The following NDUFAF6 variants were observed in gnomAD, a reference collection of about 807,000 sequenced individuals.
NDUFAF6 encodes the protein NADH dehydrogenase (ubiquinone) complex I, assembly factor 6.
Under a neutral mutation model 40.8 loss-of-function variants are expected in NDUFAF6, and 45 were observed. That is an observed-to-expected ratio of 1.10 (90% CI 0.87 to 1.42). The LOEUF (loss-of-function observed/expected upper bound fraction) is 1.42, where lower values mean the gene tolerates loss of function less well. Ranked by LOEUF, NDUFAF6 falls within the 40% of genes most tolerant of loss-of-function variation. The pLI, the probability that NDUFAF6 is intolerant of heterozygous loss-of-function variation, is 0.00. For missense variants in NDUFAF6, 435 were observed against 418.5 expected (o/e 1.04, Z -0.34); for synonymous variants, 185 against 155.9 (o/e 1.19, Z -1.39).
chr8:95,102,126 T>C (rs944351597), intron 2 of NDUFAF6, among the ~76,000 whole-genome samples: 14 of 152,112 alleles, frequency 9.2e-5, no homozygotes, highest in African/African-American at 3.4e-4. Context: ...GCTTCCCAAG[T>C]AGTTGGGATT....
rs184413203 is a variant in NDUFAF6 at position 94,974,817 on chromosome 8, C to A, written c.-198-6042C>A. On this transcript the variant is annotated intron_variant, in intron 1 of 9. Transcript: ENST00000396111. ...TTGTTAAGGGGGTCTCAAAGGACGT[C>A]CCTTTCCCCGTATGCAGGAAGTACA... 1,234 of 161,126 alleles carry A rather than the reference C, an allele frequency of 7.7e-3. 26 individuals are homozygous for A. The highest frequency in any genetic ancestry group is 0.027 in the African/African-American group (1,124 of 41,876). The allele number at this position is 161,126 out of a possible 1,614,324, so 10.0% of individuals were successfully genotyped here.
intron 1 of NDUFAF6, among the ~76,000 whole-genome samples, chr8:94,942,769 G>A (rs1438799006): frequency 6.6e-6 from 1 of 152,188 alleles, no homozygotes; most frequent in East Asian, 1.9e-4. Flanking sequence ...GAGTGGCTGA[G>A]GTCAGTAATG....
chr8:94,986,419 T>C (rs1825905061), intron 2 of NDUFAF6, among the ~76,000 whole-genome samples: 1 of 152,224 alleles, frequency 6.6e-6, no homozygotes, highest in African/African-American at 2.4e-5. Context: ...TCCTGAGACA[T>C]GAAGGTCCTT....
intron 2 of NDUFAF6, among the ~76,000 whole-genome samples, chr8:95,004,841 CTG>C (rs745964049): frequency 3.9e-5 from 6 of 152,302 alleles, no homozygotes; most frequent in South Asian, 4.1e-4. Flanking sequence ...TCCATCTGTT[CTG>C]TGAGGGCAGG....
chr8:95,108,295 A>G (rs1344026352), downstream of NDUFAF6, among the ~76,000 whole-genome samples: 3 of 152,210 alleles, frequency 2.0e-5, no homozygotes, highest in African/African-American at 7.2e-5. Context: ...AATGTTTTGG[A>G]AACAACCCAA....
At chr8:95,112,516 G>A (rs1810024979) in intron 4 of NDUFAF6, among the ~76,000 whole-genome samples, 1 of 152,176 alleles carries the variant, frequency 6.6e-6, no homozygotes, top group Non-Finnish European at 1.5e-5. Context: ...GAGCTTGAAC[G>A]TTCTGGCCTC....
At chr8:95,088,169 A>C (rs891284090) in intron 2 of NDUFAF6, among the ~76,000 whole-genome samples, 2 of 152,124 alleles carry the variant, frequency 1.3e-5, no homozygotes, top group East Asian at 3.9e-4. Flanking sequence ...CCTCATGGCT[A>C]TAAGGACCAG....
intron 2 of NDUFAF6, among the ~76,000 whole-genome samples, chr8:94,983,336 C>T (rs1420361343): frequency 7.1e-6 from 1 of 140,328 alleles, no homozygotes; most frequent in Non-Finnish European, 1.5e-5. Flanking sequence ...ACTATCTTGG[C>T]TCACCGCAAT....
intron 2 of NDUFAF6, among the ~76,000 whole-genome samples, chr8:94,998,414 A>ACACG (rs1175295114): frequency 6.6e-6 from 1 of 151,012 alleles, no homozygotes; most frequent in Non-Finnish European, 1.5e-5. Context: ...ACACACACAC[A>ACACG]CACGCAATGA....
intron 2 of NDUFAF6, among the ~76,000 whole-genome samples, chr8:94,982,816 G>A (rs57805749): frequency 2.0e-3 from 298 of 152,390 alleles, no homozygotes; most frequent in African/African-American, 6.8e-3. Flanking sequence ...GTGACCCACC[G>A]TAATATGGAA....
chr8:95,005,728 T>A (rs1224134180), intron 2 of NDUFAF6, among the ~76,000 whole-genome samples: 1 of 151,854 alleles, frequency 6.6e-6, no homozygotes, highest in Non-Finnish European at 1.5e-5. Context: ...TTCTGCCCTT[T>A]GTGTCTTTTC....
intron 1 of NDUFAF6, among the ~76,000 whole-genome samples, chr8:94,943,734 A>G (rs1041240148): frequency 1.3e-5 from 2 of 152,254 alleles, no homozygotes; most frequent in African/African-American, 2.4e-5. Context: ...CAAGTTAAAC[A>G]TTTCAAATAA....
chr8:95,075,303 T>G (rs1176011714), intron 9 of NDUFAF6, among the ~76,000 whole-genome samples: 2 of 152,196 alleles, frequency 1.3e-5, no homozygotes, highest in African/African-American at 4.8e-5. Flanking sequence ...TACAAAAGCA[T>G]ACAATAATGT....
At chr8:95,087,766 C>T (rs13251032) in intron 2 of NDUFAF6, 21,932 of 152,332 alleles carry the variant, frequency 0.14, 1,857 homozygotes, top group Non-Finnish European at 0.2. Flanking sequence ...AGCCATCACC[C>T]AGCTTTTGAG....
intron 2 of NDUFAF6, among the ~76,000 whole-genome samples, chr8:95,017,860 C>T (rs1483896683): frequency 6.6e-6 from 1 of 152,018 alleles, no homozygotes; most frequent in African/African-American, 2.4e-5. Context: ...GGAACAAGTC[C>T]CTAATTAAAT....
At chr8:94,900,395 C>T (rs1396657204) in intron 1 of NDUFAF6, among the ~76,000 whole-genome samples, 13 of 152,064 alleles carry the variant, frequency 8.5e-5, no homozygotes, top group African/African-American at 2.7e-4. Flanking sequence ...TCTGAGGACA[C>T]CAGAGGCACC....
chr8:94,991,912 C>T (rs1012774539), intron 2 of NDUFAF6, among the ~76,000 whole-genome samples: 2 of 149,900 alleles, frequency 1.3e-5, no homozygotes, highest in Admixed American at 1.3e-4. Context: ...ATATTTCCTA[C>T]AACAAATAAA....
chr8:95,074,298 T>G (rs753432982), intron 9 of NDUFAF6, among the ~76,000 whole-genome samples: 1 of 152,162 alleles, frequency 6.6e-6, no homozygotes, highest in Non-Finnish European at 1.5e-5. Flanking sequence ...CCTGAAAATA[T>G]GTTAATTATG....
intron 1 of NDUFAF6, among the ~76,000 whole-genome samples, chr8:94,972,151 T>C (rs932072563): frequency 6.6e-6 from 1 of 152,230 alleles, no homozygotes; most frequent in African/African-American, 2.4e-5. Flanking sequence ...AGAAAGCTAC[T>C]TTCTGAAAAG....
Sources: allele counts gnomAD v4.1 joint callset (sites outside exome capture counted in the v4.1 genomes callset), GRCh38; gene constraint gnomAD v4.1.1; transcripts MANE v1.5; gene names NCBI Gene and HGNC (gene_info 2026-07-23, HGNC 2026-07-21).